The following CARD10 variants were observed in gnomAD, a reference collection of about 807,000 sequenced individuals.
The protein encoded by CARD10 is caspase recruitment domain family member 10.
In CARD10, 49 loss-of-function variants were observed where a neutral mutation model predicts 114.6. That is an observed-to-expected ratio of 0.43 (90% CI 0.34 to 0.54). CARD10 has a LOEUF of 0.54. Ranked by LOEUF, CARD10 falls within the 20% of genes least tolerant of loss-of-function variation. The probability of loss-of-function intolerance (pLI) is 0.03; values close to 1 mark genes in which losing one functional copy is unlikely to be tolerated. For synonymous variants in CARD10, 602 were observed against 593.2 expected, an observed-to-expected ratio of 1.01 and a Z score of -0.21; for missense variants, 1,206 against 1,397.2, an observed-to-expected ratio of 0.86 and a Z score of 2.18.
In CARD10 at chr22:37,510,442, C is replaced by T. The variant is rs79259095; in HGVS notation, c.700-21G>A. 2.5e-5 allele frequency: 41 copies of T among 1,611,388 alleles called. No individual in the cohort carries two copies. In the East Asian group the frequency reaches 8.7e-4, roughly 34 times the overall value. ...TCCACCTGGAGCCCAAGACATGGGT[C>T]AGCCCAGAGGGAGACACACTGGGAG... On this transcript the variant is annotated intron_variant, in intron 3 of 19. Transcript: ENST00000251973.
intron 1 of CARD10, among the ~76,000 whole-genome samples, chr22:37,518,433 C>T (rs1469758865): frequency 6.6e-6 from 1 of 152,196 alleles, no homozygotes; most frequent in African/African-American, 2.4e-5. Flanking sequence ...ATACTTCTCC[C>T]ATTGGCCATG....
chr22:37,512,465 CCACACACACACACACACACACA>C (rs36080549), intron 3 of CARD10, among the ~76,000 whole-genome samples: 13 of 113,774 alleles, frequency 1.1e-4, no homozygotes, highest in Non-Finnish European at 2.3e-4. Flanking sequence ...AGCCCCCCCT[CCACACACACACACACACACACA>C]CACACACACA....
rs1219096640 is a variant in CARD10, at chr22:37,492,697, C to T, written c.2582G>A (p.Arg861His). Residue 861 changes from arginine (R) to histidine (H), a missense_variant, in exon 17 of 20, where the codon CGT (arginine) becomes CAT (histidine). Arg to His is a conservative substitution (Grantham distance 29). Around this residue, in one of 2 missense-constraint regions of CARD10, gnomAD observed 1,068 missense variants for 1,179.1 expected, o/e 0.91. Transcript: ENST00000251973. The surrounding 1 kb of genome is among the most constrained non-coding windows in gnomAD (Gnocchi z 5.7). Reference protein sequence around the residue: ...LPECLAPRLIRNLLDLPSSRL... With the variant: ...LPECLAPRLIHNLLDLPSSRL... ...GGAGCTGGGCAGGTCTAGCAGGTTA[C>T]GGATGAGCCGGGGCGCCAGGCACTC... 4 of 1,613,106 alleles carry T rather than the reference C, an allele frequency of 2.5e-6. No individual in the cohort carries two copies. The highest frequency in any genetic ancestry group is 2.2e-5 in the East Asian group (1 of 44,872).
chr22:37,504,758 G>C lies in CARD10; in HGVS notation c.1395C>G (p.Ser465=). 2 of 1,548,030 alleles carry C rather than the reference G, an allele frequency of 1.3e-6. No individual in the cohort carries two copies. The highest frequency in any genetic ancestry group is 2.4e-5 in the East Asian group (1 of 41,420). Residue 465 remains serine (S), a synonymous_variant, in exon 8 of 20, where the codon TCC becomes TCG. Coordinates refer to ENST00000251973, the MANE Select transcript of CARD10 (RefSeq NM_014550.4). ...TGAGGTTGGAGCACAGGGAATGGGA[G>C]GAGGCACAGGCCTGGAAGAGGGAGA... The part of the protein sequence containing the change: ...QGGTCLKACA[S]SHSLCSNLSS...
chr22:37,506,239 G>A lies in CARD10; in HGVS notation c.1336C>T (p.Leu446=), dbSNP rs750447985. 3.6e-5 allele frequency: 57 copies of A among 1,602,422 alleles called. 2 individuals are homozygous for A. The South Asian group carries it at 6.4e-4, about 18-fold the overall frequency. Residue 446 remains leucine (L), a synonymous_variant, in exon 7 of 20, where the codon CTG becomes TTG. Transcript: ENST00000251973. ...GCCCGCTGCAGCTGAACCTCCAGCA[G>A]AGCCTTGGTGCCCTCCAGGCTGGTG... The part of the protein sequence containing the change: ...TLTSLEGTKA[L]LEVQLQRAQG...
rs763197028 is a variant in CARD10, at chr22:37,492,391, T to A, written c.2751+44A>T. On this transcript the variant is annotated intron_variant, in intron 18 of 19. Transcript: ENST00000251973. The surrounding 1 kb of genome is among the most constrained non-coding windows in gnomAD (Gnocchi z 5.7). The stretch of plus-strand genomic sequence containing the variant: ...AAGCCCAGAACAGCAGCACCCGCTC[T>A]GGGCCACCTCTGTGAGCACCCCAGG... 1 of 1,401,174 alleles carries A rather than the reference T, an allele frequency of 7.1e-7. No homozygotes were observed. Among genetic ancestry groups the A allele is most frequent in the Non-Finnish European group, 9.7e-7 (1 of 1,034,736 alleles). The allele number at this position is 1,401,174 out of a possible 1,614,324, so 86.8% of individuals were successfully genotyped here. A position where few individuals can be genotyped will look rare whatever the true frequency, so the allele number is the denominator to read the frequency against.
intron 11 of CARD10, among the ~76,000 whole-genome samples, chr22:37,498,292 C>T (rs534032210): frequency 4.0e-4 from 61 of 152,262 alleles, no homozygotes; most frequent in African/African-American, 1.3e-3. Flanking sequence ...GGCAGGAGGA[C>T]CACTGACAAT....
rs1923594218 is a variant in CARD10 at position 37,510,346 on chromosome 22, G to A, written c.775C>T (p.Pro259Ser). The change falls in exon 4 of 20, where the codon CCT (proline) becomes TCT (serine). Residue 259 changes from proline (P) to serine (S), a missense_variant. Pro to Ser is a moderately conservative substitution (Grantham distance 74). This residue lies in a region of CARD10 where 1,068 missense variants were observed against 1,179.1 expected (regional missense o/e 0.91). Coordinates refer to ENST00000251973, the MANE Select transcript of CARD10 (RefSeq NM_014550.4). ...ALLRRARGPP[P>S]GAEEKEKEKE... ...TCCTTCTCCTTCTCCTCTGCCCCAG[G>A]GGGCGGGCCCCTGGCCCTTCGAAGC... The A allele has an allele frequency of 2.5e-6, 4 of 1,611,646 alleles. No homozygotes were observed. Among genetic ancestry groups the A allele is most frequent in the African/African-American group, 1.3e-5 (1 of 74,902 alleles).
Position 37,490,872 on chromosome 22 carries a change from T to G in CARD10, c.*287A>C, listed in dbSNP as rs1174871035. The G allele has an allele frequency of 2.1e-6, 1 of 485,808 alleles. No individual in the cohort carries two copies. Among genetic ancestry groups the G allele is most frequent in the African/African-American group, 1.9e-5 (1 of 51,420 alleles). The allele number at this position is 485,808 out of a possible 1,614,324, so 30.1% of individuals were successfully genotyped here. On this transcript the variant is annotated 3_prime_UTR_variant, in exon 20 of 20. Coordinates refer to ENST00000251973, the MANE Select transcript of CARD10 (RefSeq NM_014550.4). ...GAGAACAGACTCCAGGGCGAGTGTT[T>G]AAGGAGAAGACACAGACACACATAA...
chr22:37,507,610 G>A (rs980918374), intron 6 of CARD10, among the ~76,000 whole-genome samples: 1 of 152,246 alleles, frequency 6.6e-6, no homozygotes, highest in Non-Finnish European at 1.5e-5. Flanking sequence ...AACTGCCACA[G>A]GAGCTCAGAT....
Position 37,492,945 on chromosome 22 carries a change from TTAG to T in CARD10, c.2477-146_2477-144del. The stretch of plus-strand genomic sequence containing the variant: ...CCTACACATGCACACACACACACCC[TTAG>T]TAGGACCGACGGTGGCAGTAGGCTC... On this transcript the variant is annotated intron_variant, in intron 16 of 19. Coordinates refer to ENST00000251973, the MANE Select transcript of CARD10 (RefSeq NM_014550.4). The surrounding 1 kb of genome is among the most constrained non-coding windows in gnomAD (Gnocchi z 5.7). 1 of 811,166 alleles carries T rather than the reference TTAG, an allele frequency of 1.2e-6. No individual in the cohort carries two copies. Among genetic ancestry groups the T allele is most frequent in the Non-Finnish European group, 1.9e-6 (1 of 526,988 alleles). The allele number at this position is 811,166 out of a possible 1,614,324, so 50.2% of individuals were successfully genotyped here.
chr22:37,507,810 ACACGCAGGCTGGGCTCACC>A lies in CARD10; in HGVS notation c.1191_1191+18del. 6.2e-7 allele frequency: 1 copy of A among 1,613,880 alleles called. No individual in the cohort carries two copies. Among genetic ancestry groups the A allele is most frequent in the South Asian group, 1.1e-5 (1 of 91,068 alleles). ...AGCAGCAACTGGCCCAGGGCCTCGT[ACACGCAGGCTGGGCTCACC>A]TGGTCTCGCTCCTTCTCAATCTCCT... On this transcript the variant is annotated splice_donor_variant and splice_donor_5th_base_variant and coding_sequence_variant and intron_variant, in exon 6 of 20. Coordinates refer to ENST00000251973, the MANE Select transcript of CARD10 (RefSeq NM_014550.4). LOFTEE classifies it high-confidence loss of function.
chr22:37,514,331 A>C (rs1923762933), intron 3 of CARD10, among the ~76,000 whole-genome samples: 1 of 152,106 alleles, frequency 6.6e-6, no homozygotes, highest in Admixed American at 6.5e-5. Flanking sequence ...ATCTGTGATG[A>C]GGATGAGGAA....
intron 3 of CARD10, among the ~76,000 whole-genome samples, chr22:37,512,656 A>G (rs933866192): frequency 6.6e-6 from 1 of 152,120 alleles, no homozygotes; most frequent in Admixed American, 6.5e-5. Flanking sequence ...AGCCAGAGAA[A>G]GACAGCTCGT....
chr22:37,518,137 G>C, intron 1 of CARD10, 29 bp from the exon 2 acceptor site: 3 of 1,602,372 alleles, frequency 1.9e-6, no homozygotes, highest in Non-Finnish European at 2.6e-6. Context: ...ATGTACCCAG[G>C]GTCTAGGGGA....
rs1315865188 is a variant in CARD10, at chr22:37,502,590, C to T, written c.1787+12G>A. The T allele has an allele frequency of 2.5e-6, 4 of 1,612,256 alleles. No individual in the cohort carries two copies. The highest frequency in any genetic ancestry group is 3.3e-5 in the Admixed American group (2 of 59,796). ...TCACCCCAGCTCCACCCACTGCAGG[C>T]AGCTACAGTACCTGTTGAGGAAGTC... On this transcript the variant is annotated intron_variant, in intron 11 of 19. Coordinates refer to ENST00000251973, the MANE Select transcript of CARD10 (RefSeq NM_014550.4).
chr22:37,503,666 C>A (rs1318901363), intron 9 of CARD10, among the ~76,000 whole-genome samples: 1 of 152,162 alleles, frequency 6.6e-6, no homozygotes, highest in Non-Finnish European at 1.5e-5. Flanking sequence ...AGGGCCCAGC[C>A]TCTCACCAGT....
rs5756704 is a variant in CARD10, at chr22:37,501,201, C to T, written c.1787+1401G>A. 0.093 allele frequency among the ~76,000 whole-genome samples: 14,089 copies of T among 152,124 alleles called. 875 individuals are homozygous for T. Among genetic ancestry groups the T allele is most frequent in the East Asian group, 0.25 (1,300 of 5,170 alleles). On this transcript the variant is annotated intron_variant, in intron 11 of 19. Coordinates refer to ENST00000251973, the MANE Select transcript of CARD10 (RefSeq NM_014550.4). This position sits in a 1 kb window ranked among gnomAD's most constrained non-coding sequence, Gnocchi z 5.4. ...GCACCTTCCCCAGCCTGTGTTCTTC[C>T]CCAGGAACCTCTCTCCTCCCCAGGA...
intron 11 of CARD10, among the ~76,000 whole-genome samples, chr22:37,500,978 G>A (rs1377915170): frequency 6.6e-6 from 1 of 152,104 alleles, no homozygotes; most frequent in Non-Finnish European, 1.5e-5. Context: ...GGGAAATTCA[G>A]AGACATGCCC....
Sources: gnomAD v4.1 joint callset for allele counts (sites outside exome capture counted in the v4.1 genomes callset) on GRCh38, gnomAD v4.1.1 for gene constraint, gnomAD v4.1.1 regional missense constraint, Gnocchi (gnomAD v3.1) non-coding constraint, MANE v1.5 for transcripts, NCBI Gene and HGNC (gene_info 2026-07-23, HGNC 2026-07-21) for gene names.